The following TRRAP variants were observed in gnomAD, a reference collection of about 807,000 sequenced individuals.
TRRAP encodes the protein transformation/transcription domain-associated protein.
TRRAP carries 41 observed loss-of-function variants against 438.8 expected under a neutral mutation model. The ratio of observed to expected loss-of-function variants is 0.09; its 90% CI spans 0.07 to 0.12. TRRAP has a LOEUF of 0.12. Ranked by LOEUF, TRRAP falls within the 10% of genes least tolerant of loss-of-function variation. The pLI is 1.00. For missense variants in TRRAP, 3,122 were observed against 5,055.1 expected (o/e 0.62, Z 11.60); for synonymous variants, 1,994 against 1,962.9 (o/e 1.02, Z -0.42).
intron 11 of TRRAP, among the ~76,000 whole-genome samples, chr7:98,901,492 A>C (rs1796466854): frequency 6.6e-6 from 1 of 152,236 alleles, no homozygotes; most frequent in South Asian, 2.1e-4. Flanking sequence ...GTGTTTATCC[A>C]TTCACCAACT....
Position 98,999,181 on chromosome 7 carries a change from A to G in TRRAP, c.10309+4333A>G, listed in dbSNP as rs1387875337. 12 of 1,546,164 alleles carry G rather than the reference A, an allele frequency of 7.8e-6. No individual in the cohort carries two copies. The South Asian group carries it at 1.4e-4, about 18-fold the overall frequency. On this transcript the variant is annotated intron_variant, in intron 67 of 72. Transcript: ENST00000456197. ...CTGGCCATCTCTGATCTGGATTTCAAAGCAGTCCTTCAGATAGGCTTTGCA... is the reference window on the plus strand; with the variant it reads ...CTGGCCATCTCTGATCTGGATTTCAGAGCAGTCCTTCAGATAGGCTTTGCA...
chr7:98,997,813 GAACTTA>G (rs1350464800), intron 67 of TRRAP, among the ~76,000 whole-genome samples: 4 of 152,276 alleles, frequency 2.6e-5, no homozygotes, highest in African/African-American at 9.6e-5. Context: ...AAATTGAATC[GAACTTA>G]AATTCTTCCT....
In TRRAP at chr7:98,978,863, CG is replaced by C; in HGVS notation, c.8596del (p.Val2866CysfsTer7). ...NPYLVLECAWRVSNWTAMKEA... is the reference protein window; with the variant it reads ...NPYLVLECAWXVSNWTAMKEA... ...CTACCTCGTCCTGGAGTGCGCCTGG[CG>C]GGTGTCCAACTGGACTGCCATGAAG... On this transcript the variant is annotated frameshift_variant, in exon 58 of 73. Coordinates refer to ENST00000456197, the MANE Select transcript of TRRAP (RefSeq NM_001375524.1). LOFTEE classifies it high-confidence loss of function. 1 of 1,614,130 alleles carries C rather than the reference CG, an allele frequency of 6.2e-7. No homozygotes were observed. The highest frequency in any genetic ancestry group is 1.1e-5 in the South Asian group (1 of 91,086).
intron 30 of TRRAP, among the ~76,000 whole-genome samples, chr7:98,939,495 T>A (rs1554415089): frequency 6.6e-6 from 1 of 152,216 alleles, no homozygotes. Flanking sequence ...ATACTAAAAT[T>A]GTAAGTTATG....
At chr7:98,927,030 A>G (rs1265866518) in intron 22 of TRRAP, 137 bp from the exon 23 acceptor site, 8 of 977,842 alleles carry the variant, frequency 8.2e-6, no homozygotes, top group Non-Finnish European at 1.1e-5. Context: ...GTGTTGCTGA[A>G]ATTAAAGCAG....
chr7:98,965,615 C>A, intron 48 of TRRAP, 81 bp from the exon 49 acceptor site: 2 of 1,582,710 alleles, frequency 1.3e-6, no homozygotes, highest in Admixed American at 1.7e-5. Context: ...CAGAACCCAG[C>A]ATGCCAGGCA....
intron 29 of TRRAP, 114 bp downstream of exon 29, chr7:98,937,391 G>T: frequency 1.4e-6 from 2 of 1,419,624 alleles, no homozygotes; most frequent in Non-Finnish European, 1.9e-6. Context: ...TGCCTAAAAG[G>T]CTTTATGCAT....
chr7:98,956,193 C>T lies in TRRAP; in HGVS notation c.5985C>T (p.Ala1995=), dbSNP rs1791597521. 6.2e-7 allele frequency: 1 copy of T among 1,613,100 alleles called. No homozygotes were observed. The highest frequency in any genetic ancestry group is 8.5e-7 in the Non-Finnish European group (1 of 1,179,968). Residue 1995 remains alanine (A), a synonymous_variant, in exon 42 of 73, where the codon GCC becomes GCT. Coordinates refer to ENST00000456197, the MANE Select transcript of TRRAP (RefSeq NM_001375524.1). The surrounding 1 kb of genome is among the most constrained non-coding windows in gnomAD (Gnocchi z 4.5). The stretch of plus-strand genomic sequence containing the variant: ...ACTTGGTGCAGCACATGGTGAGCGC[C>T]ATGCAGAGGCTGGGCTTCACGCCCA... The part of the protein sequence containing the change: ...RHHLVQHMVS[A]MQRLGFTPSV...
chr7:98,998,289 T>C (rs1199511348), intron 67 of TRRAP, among the ~76,000 whole-genome samples: 4 of 152,174 alleles, frequency 2.6e-5, no homozygotes, highest in Non-Finnish European at 5.9e-5. Flanking sequence ...TTGAGCACAT[T>C]ATAATATTTA....
At chr7:98,894,795 T>G (rs1188787888) in intron 6 of TRRAP, among the ~76,000 whole-genome samples, 4 of 144,328 alleles carry the variant, frequency 2.8e-5, no homozygotes, top group African/African-American at 7.7e-5. Context: ...TTTTTTTTTT[T>G]TTTTTTTTTT....
chr7:98,948,825 A>T lies in TRRAP; in HGVS notation c.4788+140A>T. ...GATCCATTTGAATATTGGAAACAGC[A>T]TTGCTGTTTGGTTGTGTCTGTGAAA... On this transcript the variant is annotated intron_variant, in intron 35 of 72. Transcript: ENST00000456197. This position sits in a 1 kb window ranked among gnomAD's most constrained non-coding sequence, Gnocchi z 4.9. 7.1e-7 allele frequency: 1 copy of T among 1,400,856 alleles called. No homozygotes were observed. The highest frequency in any genetic ancestry group is 1.4e-5 in the South Asian group (1 of 71,590). 86.8% of individuals were successfully genotyped at this position (1,400,856 alleles called of 1,614,324 possible).
intron 3 of TRRAP, among the ~76,000 whole-genome samples, chr7:98,882,764 C>T (rs1174524473): frequency 3.3e-5 from 5 of 151,988 alleles, no homozygotes; most frequent in Admixed American, 2.6e-4. Context: ...CGGATTCAAG[C>T]GATTCTCCTG....
chr7:98,966,012 C>T, intron 49 of TRRAP, 117 bp downstream of exon 49: 3 of 1,150,564 alleles, frequency 2.6e-6, no homozygotes, highest in Non-Finnish European at 2.5e-6. Context: ...TAATTGCACT[C>T]ACAGCATCTT....
At chr7:98,980,425 A>T (rs1022747944) in intron 58 of TRRAP, among the ~76,000 whole-genome samples, 3 of 152,180 alleles carry the variant, frequency 2.0e-5, no homozygotes, top group Non-Finnish European at 2.9e-5. Context: ...AAAATTTTTT[A>T]AATATTTTTA....
At chr7:98,950,819 A>T (rs1791299076) in intron 38 of TRRAP, 57 bp from the exon 39 acceptor site, 3 of 1,465,096 alleles carry the variant, frequency 2.0e-6, no homozygotes, top group Non-Finnish European at 2.7e-6. Flanking sequence ...TTCCCGTCTT[A>T]AGAAACAAAC....
At chr7:98,981,719 T>C in intron 58 of TRRAP, 50 bp from the exon 59 acceptor site, 1 of 1,542,166 alleles carries the variant, frequency 6.5e-7, no homozygotes, top group Non-Finnish European at 8.7e-7. Context: ...CACTTTACAC[T>C]GAGGGAAAGA....
intron 69 of TRRAP, among the ~76,000 whole-genome samples, chr7:99,007,367 G>A (rs1794216276): frequency 6.6e-6 from 1 of 151,934 alleles, no homozygotes; most frequent in Non-Finnish European, 1.5e-5. Flanking sequence ...TTAGTTTTTT[G>A]AGACGGAGTC....
chr7:98,967,421 T>C, intron 50 of TRRAP, 64 bp from the exon 51 acceptor site: 1 of 1,554,356 alleles, frequency 6.4e-7, no homozygotes, highest in East Asian at 2.3e-5. Context: ...TTCACCTGTT[T>C]CTGCTTGTTT....
chr7:98,955,308 T>C lies in TRRAP; in HGVS notation c.5937+4T>C, dbSNP rs782552638. 6.2e-7 allele frequency: 1 copy of C among 1,601,574 alleles called. No homozygotes were observed. Among genetic ancestry groups the C allele is most frequent in the South Asian group, 1.1e-5 (1 of 90,732 alleles). On this transcript the variant is annotated splice_donor_region_variant and intron_variant, in intron 41 of 72. Transcript: ENST00000456197. ...CCTGATAGTGCAACACTTCAAGGTGTGTAGGAGGGACGGTGGGCTGCGGGG... is the reference window on the plus strand; with the variant it reads ...CCTGATAGTGCAACACTTCAAGGTGCGTAGGAGGGACGGTGGGCTGCGGGG...
Sources: allele counts gnomAD v4.1 joint callset (sites outside exome capture counted in the v4.1 genomes callset), GRCh38; gene constraint gnomAD v4.1.1; non-coding constraint Gnocchi (gnomAD v3.1); transcripts MANE v1.5; gene names NCBI Gene and HGNC (gene_info 2026-07-23, HGNC 2026-07-21).